Variants in SLC24A2 observed in about 807,000 individuals in gnomAD.
SLC24A2 encodes solute carrier family 24 member 2.
SLC24A2 carries 36 observed loss-of-function variants against 62.0 expected under a neutral mutation model. The ratio of observed to expected loss-of-function variants is 0.58; its 90% CI spans 0.44 to 0.77. The LOEUF (loss-of-function observed/expected upper bound fraction) is 0.77, where lower values mean the gene tolerates loss of function less well. Ranked by LOEUF, SLC24A2 falls within the 30% of genes least tolerant of loss-of-function variation. SLC24A2 has a pLI of 0.00. For synonymous variants in SLC24A2, 358 were observed against 294.0 expected, an observed-to-expected ratio of 1.22 and a Z score of -2.23; for missense variants, 846 against 817.9, an observed-to-expected ratio of 1.03 and a Z score of -0.42.
At chr9:20,227,774 T>C in the SLC24A2 span, among the ~76,000 whole-genome samples, 2 of 152,150 alleles carry the variant, frequency 1.3e-5, no homozygotes, top group African/African-American at 4.8e-5. Flanking sequence ...AGTTTTCCCA[T>C]GTCTATTGGG....
the SLC24A2 span, chr9:19,895,938 C>T: frequency 1.2e-6 from 2 of 1,613,306 alleles, no homozygotes; most frequent in Non-Finnish European, 1.7e-6. Flanking sequence ...GGTCAAACAG[C>T]TGCACGTGCT....
chr9:19,581,540 A>G (rs558186358), intron 5 of SLC24A2, among the ~76,000 whole-genome samples: 19 of 152,344 alleles, frequency 1.2e-4, no homozygotes, highest in East Asian at 7.7e-4. Context: ...TACCCATTGC[A>G]TGTTTCAATG....
At chr9:20,087,857 C>T in the SLC24A2 span, among the ~76,000 whole-genome samples, 3 of 151,816 alleles carry the variant, frequency 2.0e-5, no homozygotes, top group East Asian at 1.9e-4. Flanking sequence ...CAAGGCAGGA[C>T]GACCACCTAC....
chr9:19,755,090 G>A (rs979394314), intron 2 of SLC24A2, among the ~76,000 whole-genome samples: 3 of 152,146 alleles, frequency 2.0e-5, no homozygotes, highest in African/African-American at 7.2e-5. Flanking sequence ...AAGAACATAA[G>A]CTCTGAGCTC....
chr9:19,518,712 G>A (rs983707358), intron 10 of SLC24A2, among the ~76,000 whole-genome samples: 3 of 152,012 alleles, frequency 2.0e-5, no homozygotes, highest in Non-Finnish European at 4.4e-5. Context: ...GAGCCACTGC[G>A]CCCTGGAGCC....
the SLC24A2 span, among the ~76,000 whole-genome samples, chr9:20,099,446 T>C: frequency 5.0e-3 from 766 of 152,324 alleles, 10 homozygotes; most frequent in African/African-American, 0.018. Flanking sequence ...CTTTTCTCTT[T>C]GTTCACCAGA....
chr9:19,549,806 C>G (rs750637524), intron 8 of SLC24A2, among the ~76,000 whole-genome samples: 1 of 152,156 alleles, frequency 6.6e-6, no homozygotes, highest in Non-Finnish European at 1.5e-5. Context: ...AATTCTTGAT[C>G]GACAGGATCC....
chr9:19,952,973 A>T, the SLC24A2 span, among the ~76,000 whole-genome samples: 1 of 152,066 alleles, frequency 6.6e-6, no homozygotes, highest in Non-Finnish European at 1.5e-5. Context: ...TTCTTGGGTC[A>T]GTTTTTGAAA....
intron 2 of SLC24A2, among the ~76,000 whole-genome samples, chr9:19,731,516 C>CGTGTGT (rs71496830): frequency 3.5e-5 from 4 of 113,710 alleles, no homozygotes; most frequent in African/African-American, 7.9e-5. Flanking sequence ...TCTCTCTCTC[C>CGTGTGT]GTGTGTGTGT....
the SLC24A2 span, among the ~76,000 whole-genome samples, chr9:20,032,585 G>A: frequency 2.0e-5 from 3 of 152,076 alleles, no homozygotes; most frequent in South Asian, 2.1e-4. Context: ...AGAGAAGTAC[G>A]GTAACTATGT....
chr9:20,126,425 C>T, the SLC24A2 span, among the ~76,000 whole-genome samples: 1 of 151,836 alleles, frequency 6.6e-6, no homozygotes, highest in Non-Finnish European at 1.5e-5. Context: ...CTTAAGCTTC[C>T]TGCTTCCACT....
chr9:19,921,441 G>A, the SLC24A2 span, among the ~76,000 whole-genome samples: 2 of 151,502 alleles, frequency 1.3e-5, no homozygotes, highest in African/African-American at 2.4e-5. Flanking sequence ...GCGTGAACCC[G>A]GGAGGTGGAG....
the SLC24A2 span, among the ~76,000 whole-genome samples, chr9:20,304,627 T>C: frequency 1.3e-5 from 2 of 152,148 alleles, no homozygotes; most frequent in Non-Finnish European, 2.9e-5. Context: ...TAAAACCCAG[T>C]ATATGCTTAT....
At chr9:20,083,539 C>A in the SLC24A2 span, among the ~76,000 whole-genome samples, 1 of 152,236 alleles carries the variant, frequency 6.6e-6, no homozygotes, top group African/African-American at 2.4e-5. Context: ...GTGCTTCTCA[C>A]ATGCTGTACT....
At chr9:19,628,528 C>T (rs1818092950) in intron 2 of SLC24A2, among the ~76,000 whole-genome samples, 1 of 152,166 alleles carries the variant, frequency 6.6e-6, no homozygotes, top group Non-Finnish European at 1.5e-5. Flanking sequence ...CCAGATGTTC[C>T]TAATTTACTT....
At chr9:19,914,864 A>C in the SLC24A2 span, among the ~76,000 whole-genome samples, 1 of 152,102 alleles carries the variant, frequency 6.6e-6, no homozygotes, top group Non-Finnish European at 1.5e-5. Context: ...TGGCCACATA[A>C]AAGATCTGAG....
At chr9:20,292,023 T>C in the SLC24A2 span, among the ~76,000 whole-genome samples, 9 of 152,104 alleles carry the variant, frequency 5.9e-5, no homozygotes, top group Admixed American at 2.6e-4. Flanking sequence ...GGTCAAATCA[T>C]TGAATTGTCA....
At chr9:19,636,310 TTTTCTTTTCTTTCTTTCTTTCTTTCTTTC>T (rs1818324488) in intron 2 of SLC24A2, among the ~76,000 whole-genome samples, 1 of 34,182 alleles carries the variant, frequency 2.9e-5, no homozygotes, top group African/African-American at 1.3e-4. Flanking sequence ...TTTTCTTTTC[TTTTCTTTTCTTTCTTTCTTTCTTTCTTTC>T]TTTCTTTCTT....
At chr9:19,977,275 A>G in the SLC24A2 span, among the ~76,000 whole-genome samples, 1 of 152,194 alleles carries the variant, frequency 6.6e-6, no homozygotes, top group South Asian at 2.1e-4. Context: ...TTGAAATTAC[A>G]TAAAAATAAA....
Sources: gnomAD v4.1 joint callset for allele counts (sites outside exome capture counted in the v4.1 genomes callset) on GRCh38, gnomAD v4.1.1 for gene constraint, MANE v1.5 for transcripts, NCBI Gene and HGNC (gene_info 2026-07-23, HGNC 2026-07-21) for gene names.